HDAC3: variants seen among roughly 807,000 people sequenced by gnomAD.
HDAC3 encodes histone deacetylase 3, also known as SMAP45.
In HDAC3, 21 loss-of-function variants were observed where a neutral mutation model predicts 62.3. That is an observed-to-expected ratio of 0.34 (90% CI 0.24 to 0.49). The LOEUF (loss-of-function observed/expected upper bound fraction) is 0.49. Among genes scored for constraint, HDAC3 ranks in the 20% least tolerant of loss-of-function variants. The pLI, the probability that HDAC3 is intolerant of heterozygous loss-of-function variation, is 0.99. For synonymous variants in HDAC3, 198 were observed against 206.5 expected (o/e 0.96, Z 0.35); for missense variants, 270 against 556.9 (o/e 0.48, Z 5.19).
Position 141,626,768 on chromosome 5 carries a change from A to ATG in HDAC3, c.831-487_831-486dup, listed in dbSNP as rs533488025. On this transcript the variant is annotated intron_variant, in intron 10 of 14. Coordinates refer to ENST00000305264, the MANE Select transcript of HDAC3 (RefSeq NM_003883.4). The surrounding 1 kb of genome is among the most constrained non-coding windows in gnomAD (Gnocchi z 4.6). ...AAAAAAGAAAAAAAAAAACATATAT[A>ATG]TGTGTGTGTGTGTGTGTATATATAT... Among the ~76,000 whole-genome samples the ATG allele has an allele frequency of 0.024, 3,215 of 133,148 alleles. 55 individuals are homozygous for ATG. The highest frequency in any genetic ancestry group is 0.035 in the Non-Finnish European group (2,224 of 64,100). 87.4% of individuals were successfully genotyped at this position (133,148 alleles called of 152,430 possible). A position where few individuals can be genotyped will look rare whatever the true frequency, so the allele number is the denominator to read the frequency against.
rs181236733 is a variant in HDAC3, at chr5:141,622,420, A to G, written c.1218-883T>C. Among the ~76,000 whole-genome samples the G allele has an allele frequency of 7.8e-3, 1,191 of 152,238 alleles. 5 individuals are homozygous for G. Among genetic ancestry groups the G allele is most frequent in the Non-Finnish European group, 0.012 (833 of 68,000 alleles). ...AGAGATCAAGACCATCCTGGCCAAC[A>G]TGGTGAAACCCCGTCTCTACTAAAA... On this transcript the variant is annotated intron_variant, in intron 14 of 14. Coordinates refer to ENST00000305264, the MANE Select transcript of HDAC3 (RefSeq NM_003883.4).
intron 14 of HDAC3, among the ~76,000 whole-genome samples, chr5:141,623,606 G>T (rs577153216): frequency 2.0e-5 from 3 of 152,324 alleles, no homozygotes; most frequent in African/African-American, 7.2e-5. Context: ...ACTTCCAGAT[G>T]TTCAGACACT....
rs1421896 is a variant in HDAC3 at position 141,636,721 on chromosome 5, T to A, written c.55+15A>T. 1.2e-6 allele frequency: 2 copies of A among 1,613,614 alleles called. No individual in the cohort carries two copies. Among genetic ancestry groups the A allele is most frequent in the African/African-American group, 1.3e-5 (1 of 74,998 alleles). On this transcript the variant is annotated intron_variant, in intron 1 of 14. Coordinates refer to ENST00000305264, the MANE Select transcript of HDAC3 (RefSeq NM_003883.4). ...TCCGTGTCCCAACCCCTCATGCATA[T>A]CCCTGTTTCCTCACCGTAGTGGAAG... is the stretch of plus-strand genomic sequence containing the variant.
Position 141,636,270 on chromosome 5 carries a change from T to C in HDAC3, c.138+278A>G, listed in dbSNP as rs2099905983. The C allele has an allele frequency of 6.1e-6, 3 of 493,720 alleles. No individual in the cohort carries two copies. In the South Asian group the frequency reaches 7.5e-5, roughly 12 times the overall value. 30.6% of individuals were successfully genotyped at this position (493,720 alleles called of 1,614,324 possible). A position where few individuals can be genotyped will look rare whatever the true frequency, so the allele number is the denominator to read the frequency against. ...TAAAATGCAGAGGAGGAACACACCTTCTGTCTTCAAACCAGCCCCACATCA... is the reference window on the plus strand; with the variant it reads ...TAAAATGCAGAGGAGGAACACACCTCCTGTCTTCAAACCAGCCCCACATCA... On this transcript the variant is annotated intron_variant, in intron 2 of 14. Coordinates refer to ENST00000305264, the MANE Select transcript of HDAC3 (RefSeq NM_003883.4).
At chr5:141,621,585 C>A in intron 14 of HDAC3, 48 bp from the exon 15 acceptor site, 1 of 1,507,310 alleles carries the variant, frequency 6.6e-7, no homozygotes, top group Non-Finnish European at 9.2e-7. Context: ...AAGTTCTAAT[C>A]TTCTCCCAGC....
chr5:141,634,103 C>A lies in HDAC3; in HGVS notation c.281+708G>T, dbSNP rs144628116. Among the ~76,000 whole-genome samples the A allele has an allele frequency of 3.8e-4, 58 of 152,146 alleles. 1 individual carries two copies. The highest frequency in any genetic ancestry group is 6.5e-5 in the Admixed American group (1 of 15,270). ...GACTCTTCTATGGATGATACAAGCTCAATGTAAACCTAATGATATCAAACC... is the reference window on the plus strand; with the variant it reads ...GACTCTTCTATGGATGATACAAGCTAAATGTAAACCTAATGATATCAAACC... On this transcript the variant is annotated intron_variant, in intron 3 of 14. Coordinates refer to ENST00000305264, the MANE Select transcript of HDAC3 (RefSeq NM_003883.4).
chr5:141,630,225 G>A, intron 3 of HDAC3, 100 bp from the exon 4 acceptor site: 6 of 1,124,954 alleles, frequency 5.3e-6, no homozygotes, highest in South Asian at 2.5e-5. Context: ...CATTTTTCAA[G>A]AACCTTCTCT....
intron 2 of HDAC3, among the ~76,000 whole-genome samples, chr5:141,635,553 GAAC>G (rs2154598083): frequency 1.3e-5 from 2 of 152,336 alleles, no homozygotes; most frequent in South Asian, 4.1e-4. Flanking sequence ...CACAAGCAAT[GAAC>G]ATTCATTCAT....
At chr5:141,624,298 G>A (rs2099904129) in intron 14 of HDAC3, among the ~76,000 whole-genome samples, 1 of 144,526 alleles carries the variant, frequency 6.9e-6, no homozygotes, top group African/African-American at 2.6e-5. Flanking sequence ...CACTTTGGAA[G>A]GCTGGGGCAG....
chr5:141,622,613 A>G (rs936485464), intron 14 of HDAC3, among the ~76,000 whole-genome samples: 1 of 151,812 alleles, frequency 6.6e-6, no homozygotes, highest in African/African-American at 2.4e-5. Context: ...AAAAAAAAAA[A>G]GAAAGAAAAG....
intron 10 of HDAC3, among the ~76,000 whole-genome samples, chr5:141,627,136 A>G (rs367709906): frequency 1.1e-4 from 17 of 152,300 alleles, no homozygotes; most frequent in East Asian, 5.8e-4. Context: ...GTCCAGTGGC[A>G]CAATCATAGT....
chr5:141,629,189 G>A lies in HDAC3; in HGVS notation c.594C>T (p.Tyr198=). The change falls in exon 7 of 15, where the codon TAC becomes TAT. Residue 198 remains tyrosine, a synonymous_variant. Coordinates refer to ENST00000305264, the MANE Select transcript of HDAC3 (RefSeq NM_003883.4). This position sits in a 1 kb window ranked among gnomAD's most constrained non-coding sequence, Gnocchi z 5.3. ...TTCCCATACCTGTGCCAGGGAAGAA[G>A]TAATTTCCGTATTTGTGGAAGGACA... ...MTVSFHKYGN[Y]FFPGTGDMYE... is the part of the protein sequence containing the mutation. 2.5e-6 allele frequency: 4 copies of A among 1,614,194 alleles called. No homozygotes were observed. Among genetic ancestry groups the A allele is most frequent in the Non-Finnish European group, 3.4e-6 (4 of 1,180,020 alleles).
chr5:141,627,790 T>C, intron 10 of HDAC3, 103 bp downstream of exon 10: 1 of 953,428 alleles, frequency 1.0e-6, no homozygotes. Flanking sequence ...CTATTTTTGA[T>C]TTCCAAGAAG....
In HDAC3 at chr5:141,636,812, C is replaced by G. The variant is rs771363230; in HGVS notation, c.-22G>C. The G allele has an allele frequency of 1.3e-6, 2 of 1,524,286 alleles. No individual in the cohort carries two copies. The highest frequency in any genetic ancestry group is 8.8e-7 in the Non-Finnish European group (1 of 1,140,044). 94.4% of individuals were successfully genotyped at this position (1,524,286 alleles called of 1,614,324 possible). ...CCATGGTGCCGGCGGGAGCAGGCCCCGCACCTCCGCCGCCCGCCGCCCGCG... is the reference window on the plus strand; with the variant it reads ...CCATGGTGCCGGCGGGAGCAGGCCCGGCACCTCCGCCGCCCGCCGCCCGCG... On this transcript the variant is annotated 5_prime_UTR_variant, in exon 1 of 15. Coordinates refer to ENST00000305264, the MANE Select transcript of HDAC3 (RefSeq NM_003883.4).
intron 3 of HDAC3, 106 bp from the exon 4 acceptor site, chr5:141,630,231 T>C: frequency 1.9e-6 from 2 of 1,049,136 alleles, no homozygotes; most frequent in Non-Finnish European, 2.9e-6. Flanking sequence ...TCAAGAACCT[T>C]CTCTCCCTCT....
chr5:141,630,273 C>T lies in HDAC3; in HGVS notation c.282-148G>A, dbSNP rs997540749. 10 of 748,108 alleles carry T rather than the reference C, an allele frequency of 1.3e-5. No homozygotes were observed. In the African/African-American group the frequency reaches 1.6e-4, roughly 12 times the overall value. The allele number at this position is 748,108 out of a possible 1,614,324, so 46.3% of individuals were successfully genotyped here. A position where few individuals can be genotyped will look rare whatever the true frequency, so the allele number is the denominator to read the frequency against. On this transcript the variant is annotated intron_variant, in intron 3 of 14. Transcript: ENST00000305264. Reference sequence around the variant, plus strand: ...CACGTGGGCTATCTGCAAATTTATTCAACAAATATTTTGGACCAAACCATG... The same window carrying T: ...CACGTGGGCTATCTGCAAATTTATTTAACAAATATTTTGGACCAAACCATG...
At chr5:141,623,038 G>A (rs183640950) in intron 14 of HDAC3, among the ~76,000 whole-genome samples, 15 of 152,170 alleles carry the variant, frequency 9.9e-5, no homozygotes, top group South Asian at 2.1e-4. Flanking sequence ...CAGGAGAATC[G>A]CTTGAACCCG....
intron 3 of HDAC3, 87 bp downstream of exon 3, chr5:141,634,724 T>G: frequency 7.6e-7 from 1 of 1,314,198 alleles, no homozygotes; most frequent in Non-Finnish European, 1.1e-6. Context: ...TAGGCCCCCC[T>G]TGAGATCTTC....
intron 3 of HDAC3, 90 bp from the exon 4 acceptor site, chr5:141,630,215 C>A: frequency 8.1e-7 from 1 of 1,238,518 alleles, no homozygotes; most frequent in East Asian, 2.3e-5. Flanking sequence ...CTCCAATCTC[C>A]ATTTTTCAAG....
Sources: gnomAD v4.1 joint callset for allele counts (sites outside exome capture counted in the v4.1 genomes callset) on GRCh38, gnomAD v4.1.1 for gene constraint, Gnocchi (gnomAD v3.1) non-coding constraint, MANE v1.5 for transcripts, NCBI Gene and HGNC (gene_info 2026-07-23, HGNC 2026-07-21) for gene names.